The following SNX15 variants were observed in gnomAD, a reference collection of about 807,000 sequenced individuals.
The protein encoded by SNX15 is sorting nexin 15.
A neutral mutation model predicts 35.2 loss-of-function variants in SNX15; 29 were observed. That is an observed-to-expected ratio of 0.82 (90% CI 0.61 to 1.12). SNX15 has a LOEUF of 1.12. Among genes scored for constraint, SNX15 ranks in the 50% most tolerant of loss-of-function variants. The probability of loss-of-function intolerance (pLI) is 0.00; values close to 1 mark genes in which losing one functional copy is unlikely to be tolerated. For synonymous variants in SNX15, 189 were observed against 188.2 expected, an observed-to-expected ratio of 1.00 and a Z score of -0.03; for missense variants, 400 against 451.5, an observed-to-expected ratio of 0.89 and a Z score of 1.03.
chr11:65,034,811 G>A (rs775229613), intron 3 of SNX15, 36 bp from the exon 4 acceptor site: 14 of 1,557,388 alleles, frequency 9.0e-6, no homozygotes, highest in Middle Eastern at 3.5e-4. Flanking sequence ...GTGGGTCACC[G>A]CCACTCTCCC....
intron 6 of SNX15, 44 bp downstream of exon 6, chr11:65,035,707 C>A: frequency 6.4e-7 from 1 of 1,562,176 alleles, no homozygotes; most frequent in Non-Finnish European, 8.7e-7. Context: ...GCAGGACGTC[C>A]TTGGGACAGG....
intron 3 of SNX15, among the ~76,000 whole-genome samples, chr11:65,033,872 A>AT (rs1049062578): frequency 6.0e-5 from 9 of 151,108 alleles, no homozygotes; most frequent in African/African-American, 2.2e-4. Flanking sequence ...ACCACACCTA[A>AT]TTTTTTTTTA....
At chr11:65,031,397 T>G (rs1358590756) in intron 1 of SNX15, among the ~76,000 whole-genome samples, 1 of 152,250 alleles carries the variant, frequency 6.6e-6, no homozygotes, top group Admixed American at 6.5e-5. Context: ...AACATAACGA[T>G]GAAAACTGAA....
chr11:65,037,902 C>T (rs534448914), intron 6 of SNX15: 2 of 152,298 alleles, frequency 1.3e-5, no homozygotes, highest in Admixed American at 6.5e-5. Context: ...CCACTTTTTC[C>T]CTCTCCAGGA....
intron 1 of SNX15, among the ~76,000 whole-genome samples, chr11:65,030,171 A>G (rs374869728): frequency 4.0e-5 from 6 of 151,874 alleles, no homozygotes; most frequent in Admixed American, 2.6e-4. Flanking sequence ...TCTGGCCAAC[A>G]TGGTGAAACC....
At chr11:65,035,815 A>ATTCTCATTGAAGC in intron 6 of SNX15, 152 bp downstream of exon 6, 1 of 728,378 alleles carries the variant, frequency 1.4e-6, no homozygotes, top group African/African-American at 1.8e-5. Context: ...AGCAGCTTCA[A>ATTCTCATTGAAGC]TGAGAATTAG....
In SNX15 at chr11:65,038,632, C is replaced by T. The variant is rs1368923220; in HGVS notation, c.725C>T (p.Ala242Val). 1.9e-6 allele frequency: 3 copies of T among 1,610,514 alleles called. No homozygotes were observed. In the African/African-American group the frequency reaches 4.0e-5, roughly 22 times the overall value. The change falls in exon 7 of 8, where the codon GCA (alanine) becomes GTA (valine). Residue 242 changes from alanine (A) to valine (V), a missense_variant. Ala to Val is a moderately conservative substitution (Grantham distance 64). Coordinates refer to ENST00000377244, the MANE Select transcript of SNX15 (RefSeq NM_013306.5). Reference protein sequence around the residue: ...AELATMEVESARLDQEPWEPG... With the variant: ...AELATMEVESVRLDQEPWEPG... Reference sequence around the variant, plus strand: ...CTGGCAACGATGGAGGTGGAGTCTGCAAGGCTGGACCAGGAACCCTGGGAG... The same window carrying T: ...CTGGCAACGATGGAGGTGGAGTCTGTAAGGCTGGACCAGGAACCCTGGGAG...
chr11:65,032,624 G>GCAAAA, intron 3 of SNX15, 73 bp downstream of exon 3: 1 of 1,586,638 alleles, frequency 6.3e-7, no homozygotes, highest in Non-Finnish European at 8.6e-7. Context: ...CCGCCAGTGG[G>GCAAAA]GGCTGGATAG....
At chr11:65,034,824 G>C (rs374195821) in intron 3 of SNX15, 23 bp from the exon 4 acceptor site, 1 of 1,599,692 alleles carries the variant, frequency 6.3e-7, no homozygotes, top group African/African-American at 1.3e-5. Flanking sequence ...ACTCTCCCCT[G>C]TTCCTTGTCC....
chr11:65,032,311 C>T (rs760238518), intron 2 of SNX15, 108 bp downstream of exon 2: 6 of 1,581,312 alleles, frequency 3.8e-6, no homozygotes, highest in Non-Finnish European at 5.2e-6. Flanking sequence ...CCTCCCTGTC[C>T]CTGGGCGAGG....
At chr11:65,036,428 A>G (rs1946502313) in intron 6 of SNX15, 2 of 152,330 alleles carry the variant, frequency 1.3e-5, no homozygotes, top group Non-Finnish European at 2.9e-5. Flanking sequence ...TTTGTCGCCC[A>G]GTCTGGAGTA....
chr11:65,032,661 C>CATGTTT, intron 3 of SNX15, 110 bp downstream of exon 3: 1 of 1,387,734 alleles, frequency 7.2e-7, no homozygotes, highest in Non-Finnish European at 1.0e-6. Context: ...TGGGCAGAGT[C>CATGTTT]ATGTTTGGAA....
At chr11:65,033,986 G>A (rs1946470939) in intron 3 of SNX15, among the ~76,000 whole-genome samples, 2 of 152,074 alleles carry the variant, frequency 1.3e-5, no homozygotes, top group African/African-American at 2.4e-5. Flanking sequence ...GGGATTATAG[G>A]TGTGAGCCAC....
Position 65,034,899 on chromosome 11 carries a change from G to A in SNX15, c.309G>A (p.Leu103=). 6.2e-7 allele frequency: 1 copy of A among 1,614,072 alleles called. No homozygotes were observed. The highest frequency in any genetic ancestry group is 1.1e-5 in the South Asian group (1 of 91,086). Residue 103 remains leucine (L), a synonymous_variant, in exon 4 of 8, where the codon CTG becomes CTA. Coordinates refer to ENST00000377244, the MANE Select transcript of SNX15 (RefSeq NM_013306.5). ...IEERRKGAED[L]LRFTVHIPAL... ...AGCGGCGAAAGGGGGCAGAGGACCTGCTTCGCTTCACTGTGCACATACCTG... is the reference window on the plus strand; with the variant it reads ...AGCGGCGAAAGGGGGCAGAGGACCTACTTCGCTTCACTGTGCACATACCTG...
Position 65,035,224 on chromosome 11 carries a change from G to A in SNX15, c.520+18G>A, listed in dbSNP as rs761464534. The A allele has an allele frequency of 3.0e-5, 46 of 1,555,376 alleles. No homozygotes were observed. In the South Asian group the frequency reaches 3.7e-4, roughly 12 times the overall value. On this transcript the variant is annotated intron_variant, in intron 5 of 7. Coordinates refer to ENST00000377244, the MANE Select transcript of SNX15 (RefSeq NM_013306.5). ...GGTGCCAGGTACATCGGGGTGGGAG[G>A]AGGGAACCAGGGCTGGAGGGTGCAG...
intron 1 of SNX15, among the ~76,000 whole-genome samples, chr11:65,030,216 A>C (rs1946425422): frequency 1.3e-5 from 2 of 151,224 alleles, no homozygotes; most frequent in Admixed American, 1.3e-4. Flanking sequence ...GTAGCTGGGC[A>C]TGGTGGCGCT....
chr11:65,032,502 C>A lies in SNX15; in HGVS notation c.207C>A (p.Leu69=), dbSNP rs750547281. Residue 69 remains leucine, a synonymous_variant, in exon 3 of 8, where the codon CTC becomes CTA. Transcript: ENST00000377244. ...ACCTGGCCTACACCCACCGCAACCT[C>A]TTCCGCCGCCTCGAGGAGTTCCCTG... is the stretch of plus-strand genomic sequence containing the variant. ...HGDLAYTHRN[L]FRRLEEFPAF... 2 of 1,614,230 alleles carry A rather than the reference C, an allele frequency of 1.2e-6. No individual in the cohort carries two copies. Among genetic ancestry groups the A allele is most frequent in the Admixed American group, 3.3e-5 (2 of 60,026 alleles).
intron 6 of SNX15, 126 bp from the exon 7 acceptor site, chr11:65,038,446 C>T: frequency 7.7e-7 from 1 of 1,295,076 alleles, no homozygotes; most frequent in Non-Finnish European, 1.0e-6. Flanking sequence ...CTGGATTGCT[C>T]TGGCATTGGT....
chr11:65,038,577 G>C lies in SNX15; in HGVS notation c.670G>C (p.Ala224Pro), dbSNP rs138353324. 5.2e-6 allele frequency: 8 copies of C among 1,536,484 alleles called. No homozygotes were observed. The highest frequency in any genetic ancestry group is 7.0e-6 in the Non-Finnish European group (8 of 1,143,230). ...LFDPFSKEEGAAPSPTHVAEL... is the reference protein window; with the variant it reads ...LFDPFSKEEGPAPSPTHVAEL... ...TCCTCCCTTTCTAACTGCAGAAGGCGCAGCCCCCAGCCCCACCCATGTGGC... is the reference window on the plus strand; with the variant it reads ...TCCTCCCTTTCTAACTGCAGAAGGCCCAGCCCCCAGCCCCACCCATGTGGC... The change falls in exon 7 of 8, where the codon GCA (alanine) becomes CCA (proline). Residue 224 changes from alanine (A) to proline (P), a missense_variant. Coordinates refer to ENST00000377244, the MANE Select transcript of SNX15 (RefSeq NM_013306.5).
Sources: allele counts gnomAD v4.1 joint callset (sites outside exome capture counted in the v4.1 genomes callset), GRCh38; gene constraint gnomAD v4.1.1; transcripts MANE v1.5; gene names NCBI Gene and HGNC (gene_info 2026-07-23, HGNC 2026-07-21).